The following TRPS1 variants were observed in gnomAD, a reference collection of about 807,000 sequenced individuals.
The protein encoded by TRPS1 is zinc finger transcription factor Trps1.
Under a neutral mutation model 101.2 loss-of-function variants are expected in TRPS1, and 6 were observed. That is an observed-to-expected ratio of 0.06 (90% CI 0.03 to 0.12). The LOEUF is 0.12. Ranked by LOEUF, TRPS1 falls within the 10% of genes least tolerant of loss-of-function variation. The pLI, the probability that TRPS1 is intolerant of heterozygous loss-of-function variation, is 1.00. For synonymous variants in TRPS1, 578 were observed against 589.8 expected (o/e 0.98, Z 0.29); for missense variants, 1,363 against 1,567.0 (o/e 0.87, Z 2.20).
At chr8:115,580,862 A>G (rs1351549826) in intron 5 of TRPS1, among the ~76,000 whole-genome samples, 1 of 152,112 alleles carries the variant, frequency 6.6e-6, no homozygotes, top group African/African-American at 2.4e-5. Flanking sequence ...AACCGCAAAC[A>G]GAGCTACATA....
intron 5 of TRPS1, among the ~76,000 whole-genome samples, chr8:115,437,929 C>T (rs1345489565): frequency 6.6e-6 from 1 of 152,104 alleles, no homozygotes; most frequent in Non-Finnish European, 1.5e-5. Context: ...TTTTATTTTC[C>T]TCTATAAACC....
At chr8:115,505,469 C>A (rs1815419015) in intron 5 of TRPS1, among the ~76,000 whole-genome samples, 1 of 152,096 alleles carries the variant, frequency 6.6e-6, no homozygotes, top group African/African-American at 2.4e-5. Flanking sequence ...CCACACACTT[C>A]ACCAGTTTTT....
chr8:115,436,090 C>T (rs1348054195), intron 5 of TRPS1, among the ~76,000 whole-genome samples: 1 of 150,352 alleles, frequency 6.7e-6, no homozygotes, highest in African/African-American at 2.5e-5. Flanking sequence ...CTCAAATAAG[C>T]CTTTAATCAT....
rs1049006128 is a variant in TRPS1, at chr8:115,409,928, T to TC, written c.*4094_*4095insG. On this transcript the variant is annotated 3_prime_UTR_variant, in exon 7 of 7. Coordinates refer to ENST00000395715, the MANE Select transcript of TRPS1 (RefSeq NM_014112.5). ...GACTTGATCTTTTTTTCTTTTTTTT[T>TC]TTTTGCCATGGCTCTCAAACCAAAG... The TC allele has an allele frequency of 6.6e-6, 1 of 151,790 alleles. No individual in the cohort carries two copies. The highest frequency in any genetic ancestry group is 2.4e-5 in the African/African-American group (1 of 41,180). 9.4% of individuals were successfully genotyped at this position (151,790 alleles called of 1,614,324 possible).
chr8:115,627,965 A>C (rs952686138), intron 1 of TRPS1, among the ~76,000 whole-genome samples: 3 of 151,854 alleles, frequency 2.0e-5, no homozygotes, highest in African/African-American at 7.2e-5. Flanking sequence ...ATATTCAGTA[A>C]GTTTTATTAC....
intron 5 of TRPS1, among the ~76,000 whole-genome samples, chr8:115,419,385 G>GA (rs544100359): frequency 1.2e-4 from 18 of 144,476 alleles, no homozygotes; most frequent in South Asian, 2.2e-4. Flanking sequence ...AAAAAAAAAA[G>GA]AAAAAAAAAG....
At chr8:115,443,412 G>A (rs1813656851) in intron 5 of TRPS1, among the ~76,000 whole-genome samples, 1 of 152,166 alleles carries the variant, frequency 6.6e-6, no homozygotes, top group Admixed American at 6.5e-5. Context: ...TCCTTTAGAA[G>A]GTGTATTCCT....
At chr8:115,509,783 T>A (rs942391972) in intron 5 of TRPS1, 4 of 151,964 alleles carry the variant, frequency 2.6e-5, no homozygotes, top group Admixed American at 2.6e-4. Flanking sequence ...TGTCTCATGG[T>A]GCCTTAGGAA....
In TRPS1 at chr8:115,411,180, G is replaced by A. The variant is rs1812780693; in HGVS notation, c.*2843C>T. The A allele has an allele frequency of 6.6e-6, 1 of 151,812 alleles. No homozygotes were observed. The highest frequency in any genetic ancestry group is 1.5e-5 in the Non-Finnish European group (1 of 67,908). 9.4% of individuals were successfully genotyped at this position (151,812 alleles called of 1,614,324 possible). A position where few individuals can be genotyped will look rare whatever the true frequency, so the allele number is the denominator to read the frequency against. ...ATGGAATAAGATCTATCGTGTCAAC[G>A]CTATCCAAAAATATTCTACTAAAAA... is the stretch of plus-strand genomic sequence containing the variant. On this transcript the variant is annotated 3_prime_UTR_variant, in exon 7 of 7. Coordinates refer to ENST00000395715, the MANE Select transcript of TRPS1 (RefSeq NM_014112.5).
intron 5 of TRPS1, among the ~76,000 whole-genome samples, chr8:115,542,322 T>G (rs1816472768): frequency 6.6e-6 from 1 of 152,190 alleles, no homozygotes; most frequent in South Asian, 2.1e-4. Context: ...GCGATATTTA[T>G]TAGGCAAAAT....
At chr8:115,647,381 G>T (rs2130601021) in intron 1 of TRPS1, among the ~76,000 whole-genome samples, 1 of 152,142 alleles carries the variant, frequency 6.6e-6, no homozygotes, top group African/African-American at 2.4e-5. Flanking sequence ...AACTTGATAG[G>T]GATCCACGTA....
At chr8:115,461,255 A>G (rs553160962) in intron 5 of TRPS1, among the ~76,000 whole-genome samples, 2 of 69,858 alleles carry the variant, frequency 2.9e-5, no homozygotes, top group South Asian at 3.9e-4. Context: ...AGACAAGGAT[A>G]GATAGATAGA....
At chr8:115,515,155 C>A in intron 5 of TRPS1, 2 of 675,160 alleles carry the variant, frequency 3.0e-6, no homozygotes, top group South Asian at 3.1e-5. Flanking sequence ...AAGACATATT[C>A]AATGTCCAAA....
In TRPS1 at chr8:115,413,934, T is replaced by A; in HGVS notation, c.*89A>T. The A allele has an allele frequency of 3.7e-6, 5 of 1,364,310 alleles. 2 individuals carry two copies. The South Asian group carries it at 6.8e-5, about 18-fold the overall frequency. The allele number at this position is 1,364,310 out of a possible 1,614,324, so 84.5% of individuals were successfully genotyped here. On this transcript the variant is annotated 3_prime_UTR_variant, in exon 7 of 7. Coordinates refer to ENST00000395715, the MANE Select transcript of TRPS1 (RefSeq NM_014112.5). Reference sequence around the variant, plus strand: ...GATAAGGCAGGCTCTATGAAGTATTTTTTTAATAGGTCTTCATAAGACATT... The same window carrying A: ...GATAAGGCAGGCTCTATGAAGTATTATTTTAATAGGTCTTCATAAGACATT...
chr8:115,623,413 A>G (rs572910970), intron 2 of TRPS1, among the ~76,000 whole-genome samples, 188 bp downstream of exon 2: 2 of 152,152 alleles, frequency 1.3e-5, no homozygotes, highest in South Asian at 4.1e-4. Context: ...AGATTATGTA[A>G]ATATAAGCAC....
intron 5 of TRPS1, among the ~76,000 whole-genome samples, chr8:115,535,401 T>C (rs376960346): frequency 6.7e-6 from 1 of 148,524 alleles, no homozygotes; most frequent in East Asian, 2.0e-4. Context: ...ATAGCGCATA[T>C]ATATAGCATA....
intron 5 of TRPS1, among the ~76,000 whole-genome samples, chr8:115,548,045 C>T (rs950113053): frequency 2.0e-5 from 3 of 149,578 alleles, no homozygotes; most frequent in African/African-American, 7.4e-5. Context: ...GCCTGAGCAA[C>T]GTAGTGAAAC....
At chr8:115,556,098 A>G (rs902627904) in intron 5 of TRPS1, among the ~76,000 whole-genome samples, 4 of 152,122 alleles carry the variant, frequency 2.6e-5, no homozygotes, top group Non-Finnish European at 5.9e-5. Context: ...TATCCCAACT[A>G]CTCTACATGT....
intron 5 of TRPS1, among the ~76,000 whole-genome samples, chr8:115,428,324 T>C (rs1174392123): frequency 1.3e-5 from 2 of 152,222 alleles, no homozygotes; most frequent in Non-Finnish European, 2.9e-5. Context: ...ATGTTCTTCA[T>C]CTATCTATGA....
Sources: allele counts gnomAD v4.1 joint callset (sites outside exome capture counted in the v4.1 genomes callset), GRCh38; gene constraint gnomAD v4.1.1; transcripts MANE v1.5; gene names NCBI Gene and HGNC (gene_info 2026-07-23, HGNC 2026-07-21).